Variants in KAZN observed in about 807,000 individuals in gnomAD.
KAZN encodes kazrin.
A neutral mutation model predicts 87.4 loss-of-function variants in KAZN; 40 were observed. The ratio of observed to expected loss-of-function variants is 0.46; its 90% confidence interval spans 0.36 to 0.60. The LOEUF (loss-of-function observed/expected upper bound fraction) is 0.60. Ranked by LOEUF, KAZN falls within the 20% of genes least tolerant of loss-of-function variation. The pLI is 0.00. For synonymous variants in KAZN, 466 were observed against 458.3 expected, an observed-to-expected ratio of 1.02 and a Z score of -0.22; for missense variants, 898 against 1,073.9, an observed-to-expected ratio of 0.84 and a Z score of 2.29.
At chr1:14,196,841 G>A (rs937574979) in intron 2 of KAZN, among the ~76,000 whole-genome samples, 6 of 152,032 alleles carry the variant, frequency 3.9e-5, no homozygotes, top group African/African-American at 1.4e-4. Flanking sequence ...AGCTGGGAAG[G>A]CGAGGAAGAA....
intron 2 of KAZN, among the ~76,000 whole-genome samples, chr1:14,241,669 C>T (rs902618138): frequency 6.6e-6 from 1 of 152,172 alleles, no homozygotes; most frequent in Non-Finnish European, 1.5e-5. Context: ...CATTGCCATC[C>T]TTCCCATTTC....
chr1:14,199,567 G>A (rs965732403), intron 2 of KAZN, among the ~76,000 whole-genome samples: 6 of 152,218 alleles, frequency 3.9e-5, no homozygotes, highest in Non-Finnish European at 5.9e-5. Flanking sequence ...GCAGGGCCCA[G>A]GTCTGTCTTG....
chr1:14,563,778 T>C (rs1418280616), intron 2 of KAZN, among the ~76,000 whole-genome samples: 6 of 152,084 alleles, frequency 3.9e-5, no homozygotes. Flanking sequence ...GCTTCCCAAA[T>C]GGTCTCCTTG....
chr1:14,811,354 C>T (rs554087073), intron 1 of KAZN, among the ~76,000 whole-genome samples: 11 of 152,306 alleles, frequency 7.2e-5, no homozygotes, highest in Non-Finnish European at 1.3e-4. Flanking sequence ...GTTGATGCTA[C>T]ACGAATAAAT....
At chr1:14,564,649 C>A (rs1467076673) in intron 2 of KAZN, among the ~76,000 whole-genome samples, 36 of 142,602 alleles carry the variant, frequency 2.5e-4, no homozygotes, top group Non-Finnish European at 2.1e-4. Flanking sequence ...ACTAAAAATA[C>A]AAAAAAAAAA....
At chr1:14,300,570 A>G (rs1654478444) in intron 2 of KAZN, among the ~76,000 whole-genome samples, 1 of 152,152 alleles carries the variant, frequency 6.6e-6, no homozygotes, top group Non-Finnish European at 1.5e-5. Flanking sequence ...GATCTGAAAC[A>G]TACTTTCAAA....
In KAZN at chr1:14,111,063, A is replaced by C. The variant is rs1369482336; in HGVS notation, c.92-69372A>C. 2.2e-5 allele frequency among the ~76,000 whole-genome samples: 3 copies of C among 134,686 alleles called. 1 individual carries two copies. The highest frequency in any genetic ancestry group is 4.8e-5 in the Non-Finnish European group (3 of 62,984). 88.4% of individuals were successfully genotyped at this position (134,686 alleles called of 152,430 possible). ...GATGACTCCTGCCTTCAGTGGAAGT[A>C]CATCAATGTCCTGAAGGAGGTGGAG... On this transcript the variant is annotated intron_variant, in intron 1 of 16. Coordinates refer to the KAZN transcript ENST00000636203.
chr1:14,124,534 G>A (rs903878742), intron 1 of KAZN, among the ~76,000 whole-genome samples: 5 of 152,108 alleles, frequency 3.3e-5, no homozygotes, highest in East Asian at 1.9e-4. Context: ...CACCATCCTC[G>A]GCACAGAATA....
At chr1:14,408,444 T>A (rs1664045043) in intron 2 of KAZN, among the ~76,000 whole-genome samples, 1 of 152,186 alleles carries the variant, frequency 6.6e-6, no homozygotes, top group African/African-American at 2.4e-5. Flanking sequence ...TGGGCTGCTA[T>A]AACTAAAGCC....
intron 2 of KAZN, among the ~76,000 whole-genome samples, chr1:14,515,774 C>T (rs960226720): frequency 2.0e-5 from 3 of 152,090 alleles, no homozygotes; most frequent in South Asian, 2.1e-4. Flanking sequence ...CACCACCAGC[C>T]GTTTTATAAC....
chr1:13,937,378 G>GT (rs1640781343), intron 1 of KAZN, among the ~76,000 whole-genome samples: 1 of 152,156 alleles, frequency 6.6e-6, no homozygotes, highest in African/African-American at 2.4e-5. Flanking sequence ...GTTATTTGTT[G>GT]TTTTCCTTGA....
intron 2 of KAZN, among the ~76,000 whole-genome samples, chr1:14,448,439 G>T (rs1039207514): frequency 3.9e-5 from 6 of 152,240 alleles, no homozygotes; most frequent in Non-Finnish European, 7.3e-5. Context: ...TAACTGGAAG[G>T]TGTCCTCCAT....
chr1:13,902,711 G>C (rs1639293601), intron 1 of KAZN, among the ~76,000 whole-genome samples: 1 of 152,164 alleles, frequency 6.6e-6, no homozygotes, highest in Non-Finnish European at 1.5e-5. Context: ...CTGGCATAAA[G>C]AAAAATGTTT....
intron 1 of KAZN, among the ~76,000 whole-genome samples, chr1:14,101,577 G>A (rs547581197): frequency 7.0e-4 from 107 of 152,268 alleles, no homozygotes; most frequent in South Asian, 4.1e-3. Flanking sequence ...TGAAGGTGTC[G>A]TGGATCATTT....
At chr1:14,034,112 C>G (rs543901427) in intron 1 of KAZN, among the ~76,000 whole-genome samples, 1 of 152,350 alleles carries the variant, frequency 6.6e-6, no homozygotes, top group South Asian at 2.1e-4. Flanking sequence ...TAAATCTCCG[C>G]TATGGGTAAT....
intron 1 of KAZN, among the ~76,000 whole-genome samples, chr1:14,063,778 T>C (rs902164281): frequency 5.3e-5 from 8 of 152,168 alleles, no homozygotes; most frequent in African/African-American, 1.9e-4. Context: ...TTCCCCATAC[T>C]GTTCTTGTGG....
At chr1:14,019,600 T>A (rs1016600180) in intron 1 of KAZN, among the ~76,000 whole-genome samples, 1 of 152,186 alleles carries the variant, frequency 6.6e-6, no homozygotes, top group Non-Finnish European at 1.5e-5. Flanking sequence ...AGAACACATC[T>A]GTTGCACAGC....
intron 1 of KAZN, among the ~76,000 whole-genome samples, chr1:14,605,335 C>A (rs954220895): frequency 3.3e-5 from 5 of 152,146 alleles, no homozygotes; most frequent in African/African-American, 1.2e-4. Context: ...AATCCTGAGG[C>A]CAGCGAGGTG....
intron 2 of KAZN, among the ~76,000 whole-genome samples, chr1:14,492,313 T>C (rs1304966283): frequency 6.6e-6 from 1 of 152,064 alleles, no homozygotes; most frequent in Non-Finnish European, 1.5e-5. Flanking sequence ...GTCGCCACCA[T>C]GAATTGAGGA....
Sources: gnomAD v4.1 joint callset for allele counts (sites outside exome capture counted in the v4.1 genomes callset) on GRCh38, gnomAD v4.1.1 for gene constraint, MANE v1.5 for transcripts, NCBI Gene and HGNC (gene_info 2026-07-23, HGNC 2026-07-21) for gene names.